The following PIK3C2G variants were observed in gnomAD, a reference collection of about 807,000 sequenced individuals.
The protein encoded by PIK3C2G is phosphatidylinositol-4-phosphate 3-kinase catalytic subunit type 2 gamma.
In PIK3C2G, 168 loss-of-function variants were observed where a neutral mutation model predicts 181.1. The ratio of observed to expected loss-of-function variants is 0.93; its 90% confidence interval spans 0.82 to 1.05. The LOEUF is 1.05. PIK3C2G is among the 50% of genes least tolerant of loss of function. The pLI is 0.00. For missense variants in PIK3C2G, 1,869 were observed against 1,732.8 expected (o/e 1.08, Z -1.40); for synonymous variants, 573 against 592.2 (o/e 0.97, Z 0.47).
At chr12:18,274,949 T>C (rs1250747467) in intron 1 of PIK3C2G, among the ~76,000 whole-genome samples, 1 of 152,230 alleles carries the variant, frequency 6.6e-6, no homozygotes, top group African/African-American at 2.4e-5. Context: ...AAACATGTTA[T>C]ATATTTAATT....
chr12:18,633,680 C>T (rs537553007), intron 31 of PIK3C2G, among the ~76,000 whole-genome samples: 1 of 152,304 alleles, frequency 6.6e-6, no homozygotes, highest in African/African-American at 2.4e-5. Flanking sequence ...CCAATTTGCC[C>T]TTGTTAGTCA....
the PIK3C2G span, chr12:18,693,400 C>T: frequency 6.2e-7 from 1 of 1,604,528 alleles, no homozygotes; most frequent in African/African-American, 1.3e-5. Context: ...CTCACCCATC[C>T]TGAATATTAT....
chr12:18,489,314 C>T (rs777777128), intron 19 of PIK3C2G, among the ~76,000 whole-genome samples: 2 of 152,008 alleles, frequency 1.3e-5, no homozygotes, highest in African/African-American at 4.8e-5. Flanking sequence ...TAATTAACTA[C>T]CTACTATAGA....
At chr12:18,259,945 AT>A (rs1948193041), upstream of PIK3C2G, among the ~76,000 whole-genome samples, 1 of 152,160 alleles carries the variant, frequency 6.6e-6, no homozygotes, top group South Asian at 2.1e-4. Flanking sequence ...TCTGGATTTT[AT>A]TTTAATTAAA....
intron 28 of PIK3C2G, among the ~76,000 whole-genome samples, chr12:18,565,500 T>C (rs948463625): frequency 1.3e-5 from 2 of 152,146 alleles, no homozygotes; most frequent in African/African-American, 2.4e-5. Flanking sequence ...AATCAAAATA[T>C]TGGTGTTGGT....
the PIK3C2G span, chr12:18,699,656 C>G: frequency 1.1e-6 from 1 of 917,902 alleles, no homozygotes; most frequent in East Asian, 2.6e-5. Flanking sequence ...AGGTATGTAA[C>G]CCCATTCTAA....
the PIK3C2G span, among the ~76,000 whole-genome samples, chr12:18,715,477 C>G: frequency 6.6e-6 from 1 of 151,660 alleles, no homozygotes; most frequent in Non-Finnish European, 1.5e-5. Context: ...TCTCGGCTCA[C>G]TGCAAGCTCC....
At chr12:18,428,980 G>C (rs1390006223) in intron 18 of PIK3C2G, among the ~76,000 whole-genome samples, 1 of 152,142 alleles carries the variant, frequency 6.6e-6, no homozygotes, top group African/African-American at 2.4e-5. Context: ...GAGTTGAGTG[G>C]TGGCCCCAAA....
the PIK3C2G span, among the ~76,000 whole-genome samples, chr12:18,691,363 G>A: frequency 6.6e-6 from 1 of 152,234 alleles, no homozygotes; most frequent in East Asian, 1.9e-4. Context: ...TGCTCAGTGA[G>A]CTAAAATATG....
chr12:18,293,780 T>G (rs1949814108), intron 4 of PIK3C2G, 121 bp from the exon 5 acceptor site: 3 of 630,774 alleles, frequency 4.8e-6, no homozygotes, highest in Non-Finnish European at 8.5e-6. Flanking sequence ...TAATTCCCCT[T>G]GATGAAGCTA....
At chr12:18,377,532 C>T (rs1217592665) in intron 13 of PIK3C2G, among the ~76,000 whole-genome samples, 1 of 152,058 alleles carries the variant, frequency 6.6e-6, no homozygotes, top group Non-Finnish European at 1.5e-5. Context: ...CTGAAGTTCA[C>T]CCTCAAACAC....
intron 29 of PIK3C2G, among the ~76,000 whole-genome samples, chr12:18,591,659 G>A (rs545146040): frequency 2.6e-5 from 4 of 152,048 alleles, no homozygotes; most frequent in Non-Finnish European, 5.9e-5. Context: ...TCCCAGTCAA[G>A]AGCAGTCTTA....
intron 18 of PIK3C2G, among the ~76,000 whole-genome samples, chr12:18,453,246 G>T (rs1276236436): frequency 6.6e-6 from 1 of 152,056 alleles, no homozygotes; most frequent in Non-Finnish European, 1.5e-5. Context: ...CCTGTATTGG[G>T]TGCATATATA....
intron 4 of PIK3C2G, among the ~76,000 whole-genome samples, chr12:18,292,227 A>AAAAAAAAAATATATAT: frequency 4.1e-4 from 20 of 48,706 alleles, no homozygotes; most frequent in East Asian, 6.8e-4. Context: ...AAAAAAAAAA[A>AAAAAAAAAATATATAT]ATATATATAT....
chr12:18,678,305 C>A, the PIK3C2G span, among the ~76,000 whole-genome samples: 6 of 152,014 alleles, frequency 3.9e-5, no homozygotes, highest in African/African-American at 1.4e-4. Flanking sequence ...CAAAAGAAAG[C>A]CAGAATTATG....
chr12:18,582,779 G>C (rs1946570208), intron 29 of PIK3C2G, among the ~76,000 whole-genome samples: 1 of 151,606 alleles, frequency 6.6e-6, no homozygotes, highest in African/African-American at 2.4e-5. Flanking sequence ...CTTCAGTGCA[G>C]CCACCCTAAG....
intron 18 of PIK3C2G, among the ~76,000 whole-genome samples, chr12:18,443,034 G>A (rs1001510803): frequency 1.3e-5 from 2 of 152,100 alleles, no homozygotes; most frequent in African/African-American, 4.8e-5. Context: ...ACCATGCCCA[G>A]CTAATTTTTT....
rs983448243 is a variant in PIK3C2G at position 18,634,154 on chromosome 12, G to C, written c.4183-6275G>C. Reference sequence around the variant, plus strand: ...CTGTAGAGACCAGATGCTTCAGGAGGGTGGGGAACATAGTAAGACCAGTGA... The same window carrying C: ...CTGTAGAGACCAGATGCTTCAGGAGCGTGGGGAACATAGTAAGACCAGTGA... On this transcript the variant is annotated intron_variant, in intron 31 of 32. Coordinates refer to ENST00000538779, the MANE Select transcript of PIK3C2G (RefSeq NM_001288772.2). Among the ~76,000 whole-genome samples, 8 of 152,160 alleles carry C rather than the reference G, an allele frequency of 5.3e-5. No homozygotes were observed. The South Asian group carries it at 1.4e-3, about 28-fold the overall frequency.
At chr12:18,668,049 ACAGT>A in the PIK3C2G span, among the ~76,000 whole-genome samples, 2 of 152,192 alleles carry the variant, frequency 1.3e-5, no homozygotes, top group Admixed American at 6.5e-5. Flanking sequence ...GATTTCTGAT[ACAGT>A]CAAAGTTCGT....
Sources: gnomAD v4.1 joint callset for allele counts (sites outside exome capture counted in the v4.1 genomes callset) on GRCh38, gnomAD v4.1.1 for gene constraint, MANE v1.5 for transcripts, NCBI Gene and HGNC (gene_info 2026-07-23, HGNC 2026-07-21) for gene names.